PUM3: variants seen among roughly 807,000 people sequenced by gnomAD.
PUM3 encodes the protein pumilio RNA binding family member 3, also known as pumilio homolog 3.
PUM3 carries 91 observed loss-of-function variants against 84.0 expected under a neutral mutation model. The observed-to-expected ratio is 1.08, with a 90% confidence interval of 0.91 to 1.29. PUM3 has a LOEUF of 1.29. Ranked by LOEUF, PUM3 falls within the 50% of genes most tolerant of loss-of-function variation. The pLI is 0.00. For synonymous variants in PUM3, 321 were observed against 266.7 expected (o/e 1.20, Z -1.98); for missense variants, 1,067 against 767.5 (o/e 1.39, Z -4.61).
chr9:2,824,507 G>T (rs913216915), intron 11 of PUM3, among the ~76,000 whole-genome samples: 1 of 152,156 alleles, frequency 6.6e-6, no homozygotes, highest in African/African-American at 2.4e-5. Flanking sequence ...AAACTTCAAG[G>T]TTTCTACTAA....
In PUM3 at chr9:2,827,107, T is replaced by C; in HGVS notation, c.1001A>G (p.Asp334Gly). ...TTTGGGGGGTGCATAGGTAAAAAAG[T>C]CCAAGAATACTTTATGCACCAATGA... ...KHSLVHKVFLDFFTYAPPKLR... is the reference protein window; with the variant it reads ...KHSLVHKVFLGFFTYAPPKLR... The change falls in exon 10 of 18, where the codon GAC (aspartate) becomes GGC (glycine). Residue 334 changes from aspartate (D) to glycine (G), a missense_variant. Physicochemically the swap from Asp to Gly is moderately conservative, Grantham distance 94. Coordinates refer to ENST00000397885, the MANE Select transcript of PUM3 (RefSeq NM_014878.5). 6.2e-7 allele frequency: 1 copy of C among 1,609,488 alleles called. No homozygotes were observed. Among genetic ancestry groups the C allele is most frequent in the Non-Finnish European group, 8.5e-7 (1 of 1,178,568 alleles).
At chr9:2,839,214 A>T (rs1192213685) in intron 1 of PUM3, among the ~76,000 whole-genome samples, 3 of 152,236 alleles carry the variant, frequency 2.0e-5, no homozygotes, top group African/African-American at 7.2e-5. Flanking sequence ...TCACCTACCC[A>T]AGGTCCCTGA....
At chr9:2,824,504 AAGGTTTCTAC>A (rs1815752686) in intron 11 of PUM3, among the ~76,000 whole-genome samples, 1 of 152,208 alleles carries the variant, frequency 6.6e-6, no homozygotes, top group Non-Finnish European at 1.5e-5. Context: ...ATGAAACTTC[AAGGTTTCTAC>A]TAAAGCAGAG....
At chr9:2,810,084 C>CA (rs1380904241) in intron 16 of PUM3, among the ~76,000 whole-genome samples, 4 of 119,308 alleles carry the variant, frequency 3.4e-5, no homozygotes, top group African/African-American at 1.0e-4. Flanking sequence ...GGAAGGAAAA[C>CA]AGAGAGAGTG....
intron 13 of PUM3, among the ~76,000 whole-genome samples, chr9:2,812,804 T>TCTTC (rs1390657018): frequency 1.3e-5 from 2 of 152,212 alleles, no homozygotes; most frequent in African/African-American, 4.8e-5. Context: ...AAAGGTGTTA[T>TCTTC]CTTCATTCAT....
In PUM3 at chr9:2,842,509, C is replaced by G. The variant is rs1055241829; in HGVS notation, c.-11+1536G>C. On this transcript the variant is annotated intron_variant, in intron 1 of 17. Transcript: ENST00000397885. Reference sequence around the variant, plus strand: ...TGAAGTTTAAAGCCATTCTCTCTACCAACACAATTTCTACCCATCCTTCAA... The same window carrying G: ...TGAAGTTTAAAGCCATTCTCTCTACGAACACAATTTCTACCCATCCTTCAA... Among the ~76,000 whole-genome samples the G allele has an allele frequency of 2.0e-5, 3 of 152,234 alleles. No individual in the cohort carries two copies. The East Asian group carries it at 5.8e-4, about 29-fold the overall frequency.
chr9:2,804,163 G>A lies in PUM3; in HGVS notation c.*168C>T. The A allele has an allele frequency of 1.7e-6, 1 of 583,682 alleles. No homozygotes were observed. Among genetic ancestry groups the A allele is most frequent in the Non-Finnish European group, 2.8e-6 (1 of 361,206 alleles). The allele number at this position is 583,682 out of a possible 1,614,324, so 36.2% of individuals were successfully genotyped here. ...GGAGACAGCTGAGATTTTTAAAAAA[G>A]ACCATTTAAAAAAACAATTTATATA... On this transcript the variant is annotated 3_prime_UTR_variant, in exon 18 of 18. Coordinates refer to ENST00000397885, the MANE Select transcript of PUM3 (RefSeq NM_014878.5).
At chr9:2,808,288 T>G (rs1225511203) in intron 16 of PUM3, among the ~76,000 whole-genome samples, 1 of 152,234 alleles carries the variant, frequency 6.6e-6, no homozygotes, top group East Asian at 1.9e-4. Flanking sequence ...GAAATCAAGT[T>G]CTTCCTCATG....
intron 12 of PUM3, among the ~76,000 whole-genome samples, chr9:2,822,181 C>T (rs1436649949): frequency 6.6e-6 from 1 of 152,136 alleles, no homozygotes; most frequent in Non-Finnish European, 1.5e-5. Flanking sequence ...TAACATGTTT[C>T]TCTCAGCAAC....
rs569055829 is a variant in PUM3 at position 2,818,730 on chromosome 9, C to A, written c.1269+1288G>T. ...TGCCAACTTGTTTCTTCCCACAATC[C>A]TATCCCAAAGAAAGTCATCACAATC... On this transcript the variant is annotated intron_variant, in intron 13 of 17. Coordinates refer to ENST00000397885, the MANE Select transcript of PUM3 (RefSeq NM_014878.5). Among the ~76,000 whole-genome samples, 4 of 152,308 alleles carry A rather than the reference C, an allele frequency of 2.6e-5. No homozygotes were observed. In the East Asian group the frequency reaches 5.8e-4, roughly 22 times the overall value.
chr9:2,823,818 A>C lies in PUM3; in HGVS notation c.1151T>G (p.Val384Gly). 1 of 1,534,008 alleles carries C rather than the reference A, an allele frequency of 6.5e-7. No individual in the cohort carries two copies. Among genetic ancestry groups the C allele is most frequent in the East Asian group, 2.3e-5 (1 of 43,436 alleles). ...HGTPKDRKVI[V>G]KTMKTYVEKV... ...TTCAACATAAGTCTTCATTGTTTTC[A>C]CAATCACTTTCCTGTCCTTAAAAAG... Residue 384 changes from valine (V) to glycine (G), a missense_variant, in exon 12 of 18, where the codon GTG becomes GGG. Coordinates refer to ENST00000397885, the MANE Select transcript of PUM3 (RefSeq NM_014878.5).
intron 6 of PUM3, 72 bp downstream of exon 6, chr9:2,831,179 T>A: frequency 8.5e-7 from 1 of 1,177,336 alleles, no homozygotes; most frequent in Non-Finnish European, 1.3e-6. Context: ...TCTAGGACAG[T>A]CTTGGGTATT....
chr9:2,820,131 A>G (rs780141390), intron 12 of PUM3, 33 bp from the exon 13 acceptor site: 7 of 1,361,842 alleles, frequency 5.1e-6, no homozygotes, highest in Non-Finnish European at 7.4e-6. Context: ...AAGGTTAAAA[A>G]CAAGTGCATA....
At chr9:2,820,346 C>T (rs35825481) in intron 12 of PUM3, among the ~76,000 whole-genome samples, 1 of 151,652 alleles carries the variant, frequency 6.6e-6, no homozygotes, top group Non-Finnish European at 1.5e-5. Flanking sequence ...TTTTAAAGCA[C>T]ATTATTCATT....
At chr9:2,833,814 A>G (rs1816049130) in intron 4 of PUM3, among the ~76,000 whole-genome samples, 1 of 152,166 alleles carries the variant, frequency 6.6e-6, no homozygotes, top group Non-Finnish European at 1.5e-5. Context: ...AACCTCATAC[A>G]TTTTCATAAG....
chr9:2,839,826 T>A (rs3824351), intron 1 of PUM3, among the ~76,000 whole-genome samples: 2 of 152,054 alleles, frequency 1.3e-5, no homozygotes, highest in African/African-American at 4.8e-5. Context: ...TTTCTCTGTA[T>A]GTTTGTTCTA....
intron 13 of PUM3, 68 bp downstream of exon 13, chr9:2,819,950 A>G: frequency 1.9e-6 from 2 of 1,045,444 alleles, no homozygotes. Flanking sequence ...GCATGGTGAA[A>G]TCAAGCTTAC....
intron 13 of PUM3, 37 bp downstream of exon 13, chr9:2,819,981 G>C (rs112360149): frequency 2.9e-6 from 4 of 1,362,192 alleles, no homozygotes; most frequent in Non-Finnish European, 3.1e-6. Flanking sequence ...CTGGTTTATC[G>C]ATGTAACTTA....
intron 3 of PUM3, among the ~76,000 whole-genome samples, chr9:2,836,961 T>C (rs1816138127): frequency 6.6e-6 from 1 of 152,178 alleles, no homozygotes; most frequent in Non-Finnish European, 1.5e-5. Flanking sequence ...CTTAACTCCA[T>C]GGCTAAGGTA....
Sources: allele counts gnomAD v4.1 joint callset (sites outside exome capture counted in the v4.1 genomes callset), GRCh38; gene constraint gnomAD v4.1.1; transcripts MANE v1.5; gene names NCBI Gene and HGNC (gene_info 2026-07-23, HGNC 2026-07-21).